WDR70: variants seen among roughly 807,000 people sequenced by gnomAD.
The protein encoded by WDR70 is WD repeat domain 70.
WDR70 carries 53 observed loss-of-function variants against 88.6 expected under a neutral mutation model. The ratio of observed to expected loss-of-function variants is 0.60; its 90% CI spans 0.48 to 0.75. WDR70 has a LOEUF of 0.75. Ranked by LOEUF, WDR70 falls within the 30% of genes least tolerant of loss-of-function variation. WDR70 has a pLI of 0.00. For synonymous variants in WDR70, 280 were observed against 270.0 expected, an observed-to-expected ratio of 1.04 and a Z score of -0.36; for missense variants, 610 against 823.2, an observed-to-expected ratio of 0.74 and a Z score of 3.17.
intron 9 of WDR70, among the ~76,000 whole-genome samples, chr5:37,599,817 C>T (rs1041048788): frequency 3.3e-5 from 5 of 151,832 alleles, no homozygotes; most frequent in African/African-American, 7.3e-5. Context: ...TGCTTGAACC[C>T]GGGAGGCAGA....
intron 5 of WDR70, among the ~76,000 whole-genome samples, chr5:37,412,513 T>C (rs1749557257): frequency 6.6e-6 from 1 of 152,208 alleles, no homozygotes; most frequent in African/African-American, 2.4e-5. Context: ...TTAGGATTAC[T>C]GAGGATTTTC....
intron 8 of WDR70, among the ~76,000 whole-genome samples, chr5:37,485,858 A>ATTTTTTTTTTTTTTTTTTT (rs57109943): frequency 1.7e-4 from 18 of 108,284 alleles, no homozygotes; most frequent in African/African-American, 5.9e-4. Flanking sequence ...TGCCTGGCTA[A>ATTTTTTTTTTTTTTTTTTT]TTTTTTTTTT....
At chr5:37,602,082 TA>T (rs1213372747) in intron 9 of WDR70, among the ~76,000 whole-genome samples, 1 of 138,032 alleles carries the variant, frequency 7.2e-6, no homozygotes, top group Non-Finnish European at 1.6e-5. Flanking sequence ...GGTGGGAGGC[TA>T]GGGGAGGGAT....
intron 17 of WDR70, among the ~76,000 whole-genome samples, chr5:37,732,917 T>G (rs1194661219): frequency 6.6e-6 from 1 of 152,110 alleles, no homozygotes. Flanking sequence ...CGTCCAATAT[T>G]AGTCTTGAAA....
chr5:37,394,919 AT>A, intron 4 of WDR70, among the ~76,000 whole-genome samples: 1 of 152,324 alleles, frequency 6.6e-6, no homozygotes, highest in South Asian at 2.1e-4. Flanking sequence ...GTGAGAATAT[AT>A]TCTTTTCAAT....
intron 7 of WDR70, among the ~76,000 whole-genome samples, chr5:37,444,455 C>G (rs1273114409): frequency 2.6e-5 from 4 of 151,304 alleles, no homozygotes. Flanking sequence ...CCTCCCACCT[C>G]AGCCTCCCAA....
intron 10 of WDR70, among the ~76,000 whole-genome samples, chr5:37,650,866 T>A (rs1453243022): frequency 1.3e-5 from 2 of 152,142 alleles, no homozygotes; most frequent in African/African-American, 4.8e-5. Flanking sequence ...TTATAACTAC[T>A]ACCCATCCAC....
intron 9 of WDR70, among the ~76,000 whole-genome samples, chr5:37,540,198 T>C (rs1181857466): frequency 6.6e-6 from 1 of 152,208 alleles, no homozygotes; most frequent in East Asian, 1.9e-4. Flanking sequence ...CAGTAAAATA[T>C]TTTAAACACT....
At chr5:37,504,757 C>T (rs1740510254) in intron 8 of WDR70, among the ~76,000 whole-genome samples, 1 of 152,188 alleles carries the variant, frequency 6.6e-6, no homozygotes, top group South Asian at 2.1e-4. Flanking sequence ...CACGAAAATA[C>T]TAAAGATATG....
intron 7 of WDR70, among the ~76,000 whole-genome samples, chr5:37,452,373 C>T (rs561403907): frequency 6.6e-6 from 1 of 151,676 alleles, no homozygotes; most frequent in Non-Finnish European, 1.5e-5. Flanking sequence ...TCAAGCGATT[C>T]TCCTGTCTCA....
chr5:37,693,597 A>C (rs970201008), intron 10 of WDR70, among the ~76,000 whole-genome samples: 6 of 152,194 alleles, frequency 3.9e-5, no homozygotes, highest in African/African-American at 1.4e-4. Flanking sequence ...CAAAAACAAG[A>C]AATGGGGAAA....
At chr5:37,545,709 A>G (rs1164841147) in intron 9 of WDR70, among the ~76,000 whole-genome samples, 6 of 152,092 alleles carry the variant, frequency 3.9e-5, no homozygotes, top group African/African-American at 1.4e-4. Context: ...TTTTTAGTAG[A>G]GACAGGGTTT....
At chr5:37,550,354 G>C (rs1282932469) in intron 9 of WDR70, among the ~76,000 whole-genome samples, 1 of 152,148 alleles carries the variant, frequency 6.6e-6, no homozygotes, top group African/African-American at 2.4e-5. Flanking sequence ...TACTATTTCA[G>C]TTTTTCTGAA....
At chr5:37,648,070 A>T (rs2112554273) in intron 10 of WDR70, among the ~76,000 whole-genome samples, 1 of 152,280 alleles carries the variant, frequency 6.6e-6, no homozygotes, top group South Asian at 2.1e-4. Context: ...GCCAAGCCAT[A>T]TTAGGTGTTA....
intron 17 of WDR70, among the ~76,000 whole-genome samples, chr5:37,744,797 A>G (rs1748591947): frequency 6.6e-6 from 1 of 152,106 alleles, no homozygotes; most frequent in African/African-American, 2.4e-5. Flanking sequence ...AAAAAAACGA[A>G]CCTATGATTG....
chr5:37,436,755 A>C (rs1050409528), intron 5 of WDR70, among the ~76,000 whole-genome samples: 1 of 152,160 alleles, frequency 6.6e-6, no homozygotes, highest in Admixed American at 6.5e-5. Flanking sequence ...TTTTAGGGGA[A>C]GTCAGTAGTC....
intron 3 of WDR70, 109 bp from the exon 4 acceptor site, chr5:37,391,889 ACT>A: frequency 8.1e-7 from 1 of 1,229,184 alleles, no homozygotes. Flanking sequence ...TACTGCTAAC[ACT>A]CTAAGTTATA....
At chr5:37,593,863 C>T (rs768966575) in intron 9 of WDR70, among the ~76,000 whole-genome samples, 19 of 152,168 alleles carry the variant, frequency 1.2e-4, no homozygotes, top group Non-Finnish European at 2.8e-4. Context: ...AAGATGGTAT[C>T]TCATTGTGGG....
intron 3 of WDR70, among the ~76,000 whole-genome samples, chr5:37,383,067 TTAAAA>T (rs1246651745): frequency 6.6e-5 from 10 of 151,622 alleles, no homozygotes; most frequent in South Asian, 2.1e-4. Flanking sequence ...AAACTCCATC[TTAAAA>T]TAAAATAAGA....
Sources: allele counts gnomAD v4.1 joint callset (sites outside exome capture counted in the v4.1 genomes callset), GRCh38; gene constraint gnomAD v4.1.1; transcripts MANE v1.5; gene names NCBI Gene and HGNC (gene_info 2026-07-23, HGNC 2026-07-21).